ERGIC1: variants seen among roughly 807,000 people sequenced by gnomAD.
ERGIC1 encodes endoplasmic reticulum-Golgi intermediate compartment protein 1.
Under a neutral mutation model 38.3 loss-of-function variants are expected in ERGIC1, and 19 were observed. The ratio of observed to expected loss-of-function variants is 0.50; its 90% CI spans 0.35 to 0.73. ERGIC1 has a LOEUF of 0.73. Among genes scored for constraint, ERGIC1 ranks in the 30% least tolerant of loss-of-function variants. The pLI is 0.01. For missense variants in ERGIC1, 294 were observed against 389.2 expected, an observed-to-expected ratio of 0.76 and a Z score of 2.06; for synonymous variants, 124 against 157.6, an observed-to-expected ratio of 0.79 and a Z score of 1.60.
chr5:172,926,594 C>T lies in ERGIC1; in HGVS notation c.541+25C>T. On this transcript the variant is annotated intron_variant, in intron 7 of 9. Transcript: ENST00000393784. This position sits in a 1 kb window ranked among gnomAD's most constrained non-coding sequence, Gnocchi z 5.2. ...CGTATGTATCCCTGCTGGGAACAGC[C>T]TTCTGCTCCAAGATGCCCAGTACAG... The T allele has an allele frequency of 6.2e-7, 1 of 1,609,706 alleles. No homozygotes were observed. Among genetic ancestry groups the T allele is most frequent in the Non-Finnish European group, 8.5e-7 (1 of 1,179,726 alleles).
At chr5:172,865,816 C>A (rs767312852) in intron 1 of ERGIC1, among the ~76,000 whole-genome samples, 16 of 152,036 alleles carry the variant, frequency 1.1e-4, no homozygotes, top group South Asian at 2.1e-4. Context: ...TGTTATAGTA[C>A]CTGATTGGGG....
intron 2 of ERGIC1, among the ~76,000 whole-genome samples, chr5:172,890,816 G>A (rs765954282): frequency 2.7e-5 from 4 of 149,648 alleles, no homozygotes; most frequent in East Asian, 2.0e-4. Flanking sequence ...GTCCTGGGCC[G>A]GGCAGTCGGT....
intron 1 of ERGIC1, chr5:172,867,445 C>A: frequency 2.5e-6 from 1 of 398,150 alleles, no homozygotes; most frequent in Non-Finnish European, 5.2e-6. Flanking sequence ...ATTTCCACTC[C>A]TTGGAGGCCG....
intron 9 of ERGIC1, chr5:172,937,501 A>G (rs948789639): frequency 6.6e-6 from 1 of 152,206 alleles, no homozygotes; most frequent in Non-Finnish European, 1.5e-5. Flanking sequence ...CCCCCTCCCT[A>G]CAAAAGAAAA....
chr5:172,913,342 C>T (rs1045445955), intron 4 of ERGIC1, among the ~76,000 whole-genome samples: 1 of 152,256 alleles, frequency 6.6e-6, no homozygotes, highest in African/African-American at 2.4e-5. Flanking sequence ...GCACACACAT[C>T]TGGACACACA....
chr5:172,887,574 A>C (rs943330909), intron 1 of ERGIC1, among the ~76,000 whole-genome samples: 1 of 152,230 alleles, frequency 6.6e-6, no homozygotes, highest in Non-Finnish European at 1.5e-5. Context: ...GATTTGAACC[A>C]GGGTAGTCTG....
intron 2 of ERGIC1, among the ~76,000 whole-genome samples, chr5:172,894,795 T>C (rs1762685358): frequency 6.6e-6 from 1 of 152,252 alleles, no homozygotes; most frequent in Admixed American, 6.5e-5. Flanking sequence ...ACAGGACATC[T>C]GTTAATGCAG....
intron 5 of ERGIC1, chr5:172,920,225 A>G: frequency 1.5e-6 from 1 of 681,898 alleles, no homozygotes; most frequent in South Asian, 1.6e-5. Context: ...TTTCCCTTTG[A>G]GGAACCGCCC....
chr5:172,914,559 C>T lies in ERGIC1; in HGVS notation c.251-155C>T, dbSNP rs769088828. 1.7e-5 allele frequency: 21 copies of T among 1,239,482 alleles called. No homozygotes were observed. In the Admixed American group the frequency reaches 4.0e-4, roughly 24 times the overall value. 76.8% of individuals were successfully genotyped at this position (1,239,482 alleles called of 1,614,324 possible). Reference sequence around the variant, plus strand: ...TTTAGCGGAGTCATTGTCCTGTCCCCTGTAGTCTTTGGACCCCAGACCATG... The same window carrying T: ...TTTAGCGGAGTCATTGTCCTGTCCCTTGTAGTCTTTGGACCCCAGACCATG... On this transcript the variant is annotated intron_variant, in intron 4 of 9. Transcript: ENST00000393784.
chr5:172,834,375 C>G lies in ERGIC1; in HGVS notation c.-39C>G, dbSNP rs949773776. 7.8e-7 allele frequency: 1 copy of G among 1,284,542 alleles called. No individual in the cohort carries two copies. Among genetic ancestry groups the G allele is most frequent in the Non-Finnish European group, 9.8e-7 (1 of 1,015,658 alleles). 79.6% of individuals were successfully genotyped at this position (1,284,542 alleles called of 1,614,324 possible). ...CTCGGACCCACGCGGCGCCGCGGCC[C>G]GCCTGGCCTGCAGCGCTCCCACCCC... On this transcript the variant is annotated 5_prime_UTR_variant, in exon 1 of 10. Coordinates refer to ENST00000393784, the MANE Select transcript of ERGIC1 (RefSeq NM_001031711.3). The surrounding 1 kb of genome is among the most constrained non-coding windows in gnomAD (Gnocchi z 4.1).
intron 1 of ERGIC1, among the ~76,000 whole-genome samples, chr5:172,869,281 C>T (rs756298672): frequency 2.6e-5 from 4 of 152,226 alleles, no homozygotes; most frequent in Non-Finnish European, 5.9e-5. Context: ...GGGAGGCTGG[C>T]CTCACCCCTG....
intron 1 of ERGIC1, among the ~76,000 whole-genome samples, chr5:172,861,512 CTGACT>C (rs1761698585): frequency 6.6e-6 from 1 of 152,206 alleles, no homozygotes; most frequent in African/African-American, 2.4e-5. Flanking sequence ...CTTGTGGATG[CTGACT>C]ACTCGTTGGC....
intron 1 of ERGIC1, among the ~76,000 whole-genome samples, chr5:172,838,610 T>C (rs548148634): frequency 6.6e-6 from 1 of 152,246 alleles, no homozygotes. Flanking sequence ...AAAAAAAAAT[T>C]ATATAGAGAT....
chr5:172,914,844 G>C lies in ERGIC1; in HGVS notation c.375+6G>C. On this transcript the variant is annotated splice_donor_region_variant and intron_variant, in intron 5 of 9. Transcript: ENST00000393784. ...GGCAGTTCAGCATCAACAAGGTATGGAAGCCCTGCCTCAGCCCTTTCTACC... is the reference window on the plus strand; with the variant it reads ...GGCAGTTCAGCATCAACAAGGTATGCAAGCCCTGCCTCAGCCCTTTCTACC... The C allele has an allele frequency of 6.2e-7, 1 of 1,614,138 alleles. No individual in the cohort carries two copies. Among genetic ancestry groups the C allele is most frequent in the Non-Finnish European group, 8.5e-7 (1 of 1,180,018 alleles).
chr5:172,941,668 C>A (rs1481677981), intron 9 of ERGIC1, among the ~76,000 whole-genome samples: 1 of 152,172 alleles, frequency 6.6e-6, no homozygotes, highest in Non-Finnish European at 1.5e-5. Context: ...GACTTTCATC[C>A]TGAGAATCAG....
intron 2 of ERGIC1, among the ~76,000 whole-genome samples, chr5:172,896,436 G>A (rs1470304885): frequency 6.6e-6 from 1 of 152,216 alleles, no homozygotes; most frequent in Non-Finnish European, 1.5e-5. Context: ...AAGGACAGGG[G>A]CACCGTGTGG....
chr5:172,879,992 T>G (rs567673708), intron 1 of ERGIC1, among the ~76,000 whole-genome samples: 1 of 152,196 alleles, frequency 6.6e-6, no homozygotes, highest in Admixed American at 6.5e-5. Flanking sequence ...CAAGGATTGA[T>G]TGGAAAGCTT....
Position 172,950,673 on chromosome 5 carries a change from T to A in ERGIC1, c.766-36T>A, listed in dbSNP as rs368471366. ...GCCTGGTTCATCCTCCAGCACTGAC[T>A]TCTGACACTCCCACCCCACCCCTGC... On this transcript the variant is annotated intron_variant, in intron 9 of 9. Transcript: ENST00000393784. 57 of 1,589,640 alleles carry A rather than the reference T, an allele frequency of 3.6e-5. No homozygotes were observed. In the African/African-American group the frequency reaches 7.2e-4, roughly 20 times the overall value.
At chr5:172,947,650 C>T (rs1764152652) in intron 9 of ERGIC1, among the ~76,000 whole-genome samples, 1 of 152,236 alleles carries the variant, frequency 6.6e-6, no homozygotes, top group Non-Finnish European at 1.5e-5. Context: ...AGCCTTCAGG[C>T]TTGCAGTCAC....
Sources: gnomAD v4.1 joint callset for allele counts (sites outside exome capture counted in the v4.1 genomes callset) on GRCh38, gnomAD v4.1.1 for gene constraint, Gnocchi (gnomAD v3.1) non-coding constraint, MANE v1.5 for transcripts, NCBI Gene and HGNC (gene_info 2026-07-23, HGNC 2026-07-21) for gene names.